SERPINB6: variants seen among roughly 807,000 people sequenced by gnomAD.
The protein encoded by SERPINB6 is serpin family B member 6.
In SERPINB6, 16 loss-of-function variants were observed where a neutral mutation model predicts 26.1. The observed-to-expected ratio is 0.61, with a 90% CI of 0.42 to 0.93. The LOEUF (loss-of-function observed/expected upper bound fraction) is 0.93, where lower values mean the gene tolerates loss of function less well. Among genes scored for constraint, SERPINB6 ranks in the 40% least tolerant of loss-of-function variants. SERPINB6 has a pLI of 0.00. For synonymous variants in SERPINB6, 174 were observed against 176.6 expected (o/e 0.99, Z 0.11); for missense variants, 420 against 478.0 (o/e 0.88, Z 1.13).
chr6:2,955,847 C>T (rs1202185534), intron 2 of SERPINB6, 177 bp from the exon 3 acceptor site: 18 of 614,722 alleles, frequency 2.9e-5, no homozygotes, highest in Middle Eastern at 4.5e-4. Context: ...GAGGCCAAGG[C>T]GGGAGGATCA....
At chr6:2,950,410 G>A (rs1258612346) in intron 5 of SERPINB6, among the ~76,000 whole-genome samples, 1 of 151,696 alleles carries the variant, frequency 6.6e-6, no homozygotes, top group Non-Finnish European at 1.5e-5. Context: ...GTGCGCTCCT[G>A]TAATCCCAGC....
chr6:2,969,176 A>C, intron 1 of SERPINB6: 1 of 991,038 alleles, frequency 1.0e-6, no homozygotes. Context: ...ACAAATTATA[A>C]ACAATCTAGT....
Position 2,969,413 on chromosome 6 carries a change from A to G in SERPINB6, c.-11+2120T>C, listed in dbSNP as rs547103890. Reference sequence around the variant, plus strand: ...TATTTATGCAAAATTAATTGTTTCAAAATTTAAAAACTATACCATTTAAAA... The same window carrying G: ...TATTTATGCAAAATTAATTGTTTCAGAATTTAAAAACTATACCATTTAAAA... On this transcript the variant is annotated intron_variant, in intron 1 of 6. Transcript: ENST00000380539. 2.8e-4 allele frequency: 273 copies of G among 967,726 alleles called. 1 individual carries two copies. Among genetic ancestry groups the G allele is most frequent in the African/African-American group, 2.5e-3 (140 of 56,970 alleles). 59.9% of individuals were successfully genotyped at this position (967,726 alleles called of 1,614,324 possible).
intron 1 of SERPINB6, among the ~76,000 whole-genome samples, chr6:2,963,136 A>C (rs9378350): frequency 0.62 from 93,758 of 152,018 alleles, 30,696 homozygotes; most frequent in East Asian, 0.91. Flanking sequence ...AAAATAATGG[A>C]GTAACTGGGC....
upstream of SERPINB6, chr6:2,971,620 G>C (rs1772189130): frequency 6.6e-6 from 1 of 152,260 alleles, no homozygotes; most frequent in Admixed American, 6.5e-5. Context: ...GGCGGGCGGA[G>C]TCCCGGGTCT....
intron 5 of SERPINB6, 43 bp from the exon 6 acceptor site, chr6:2,949,112 A>G (rs748701204): frequency 6.2e-7 from 1 of 1,605,532 alleles, no homozygotes; most frequent in Non-Finnish European, 8.5e-7. Context: ...ACAAGACCCC[A>G]CTGACACATG....
chr6:2,950,860 T>C (rs1188854354), intron 5 of SERPINB6, among the ~76,000 whole-genome samples: 2 of 152,222 alleles, frequency 1.3e-5, no homozygotes, highest in Non-Finnish European at 2.9e-5. Context: ...ATAAATAAAA[T>C]ACACTGCGGC....
chr6:2,955,203 C>CA (rs66527971), intron 3 of SERPINB6: 9,420 of 222,302 alleles, frequency 0.042, 18 homozygotes, highest in South Asian at 0.078. Context: ...AAAAAAAAAA[C>CA]AAAAAAAAAA....
intron 5 of SERPINB6, among the ~76,000 whole-genome samples, chr6:2,951,362 G>A (rs1769770007): frequency 6.6e-6 from 1 of 150,892 alleles, no homozygotes; most frequent in Admixed American, 6.6e-5. Context: ...CTCCAGCCTG[G>A]GCAACAAGAG....
intron 1 of SERPINB6, chr6:2,970,489 A>C (rs1485642886): frequency 1.8e-6 from 2 of 1,138,956 alleles, no homozygotes; most frequent in Non-Finnish European, 2.2e-6. Flanking sequence ...AGGCCGGCCC[A>C]GGACCTTAAC....
At chr6:2,949,424 C>T (rs1228140145) in intron 5 of SERPINB6, among the ~76,000 whole-genome samples, 4 of 152,364 alleles carry the variant, frequency 2.6e-5, no homozygotes, top group African/African-American at 9.6e-5. Context: ...AAACTCCCAG[C>T]GCCACCTGTA....
intron 4 of SERPINB6, 134 bp from the exon 5 acceptor site, chr6:2,953,320 G>A (rs1412486576): frequency 1.7e-6 from 2 of 1,186,146 alleles, no homozygotes; most frequent in Non-Finnish European, 2.5e-6. Context: ...CAAATATAAA[G>A]GGATACGTGT....
chr6:2,955,207 A>AC (rs1770310722), intron 3 of SERPINB6: 3 of 347,846 alleles, frequency 8.6e-6, no homozygotes, highest in Admixed American at 4.5e-5. Flanking sequence ...AAAAAACAAA[A>AC]AAAAAAAAGC....
chr6:2,970,520 C>G, intron 1 of SERPINB6: 2 of 1,174,320 alleles, frequency 1.7e-6, no homozygotes, highest in South Asian at 8.7e-5. Context: ...CTGAACACAT[C>G]AGATCTCATC....
Position 2,967,298 on chromosome 6 carries a change from G to A in SERPINB6, c.-11+4235C>T, listed in dbSNP as rs1581278294. Reference sequence around the variant, plus strand: ...CCATGTACAAAAATCAACTCAAGATGGATTAAAGGCTTAGATGTAAAAGCC... The same window carrying A: ...CCATGTACAAAAATCAACTCAAGATAGATTAAAGGCTTAGATGTAAAAGCC... On this transcript the variant is annotated intron_variant, in intron 1 of 6. Coordinates refer to ENST00000380539, the MANE Select transcript of SERPINB6 (RefSeq NM_004568.6). The surrounding 1 kb of genome is among the most constrained non-coding windows in gnomAD (Gnocchi z 4.3). 1.1e-6 allele frequency: 1 copy of A among 881,938 alleles called. No individual in the cohort carries two copies. The highest frequency in any genetic ancestry group is 1.4e-6 in the Non-Finnish European group (1 of 735,654). 54.6% of individuals were successfully genotyped at this position (881,938 alleles called of 1,614,324 possible).
intron 1 of SERPINB6, among the ~76,000 whole-genome samples, chr6:2,964,918 C>A (rs1266567811): frequency 6.6e-6 from 1 of 152,198 alleles, no homozygotes; most frequent in Non-Finnish European, 1.5e-5. Flanking sequence ...CCCACTGCAG[C>A]CTCGAACTCC....
Position 2,953,059 on chromosome 6 carries a change from C to T in SERPINB6, c.558G>A (p.Leu186=), listed in dbSNP as rs778261498. 1 of 1,614,238 alleles carries T rather than the reference C, an allele frequency of 6.2e-7. No individual in the cohort carries two copies. The highest frequency in any genetic ancestry group is 1.3e-5 in the African/African-American group (1 of 75,056). ...QFDKENTEER[L]FKVSKNEEKP... is the part of the protein sequence containing the mutation. ...CCTTACTCGCCTTGCTGACTTTAAA[C>T]AGTCTCTCCTCGGTGTTCTCCTTGT... Residue 186 remains leucine (L), a synonymous_variant, in exon 5 of 7, where the codon CTG becomes CTA. Coordinates refer to ENST00000380539, the MANE Select transcript of SERPINB6 (RefSeq NM_004568.6).
rs1359309849 is a variant in SERPINB6, at chr6:2,959,165, T to C, written c.165+3A>G. ...TAGCACCATGGCTGCCCTGAAGCTGTACCTGGGCCATCTGTGCAGCGGTGT... is the reference window on the plus strand; with the variant it reads ...TAGCACCATGGCTGCCCTGAAGCTGCACCTGGGCCATCTGTGCAGCGGTGT... On this transcript the variant is annotated splice_donor_region_variant and intron_variant, in intron 2 of 6. Coordinates refer to ENST00000380539, the MANE Select transcript of SERPINB6 (RefSeq NM_004568.6). 3.1e-6 allele frequency: 5 copies of C among 1,614,090 alleles called. No individual in the cohort carries two copies. Among genetic ancestry groups the C allele is most frequent in the Non-Finnish European group, 4.2e-6 (5 of 1,180,034 alleles).
intron 4 of SERPINB6, 91 bp downstream of exon 4, chr6:2,954,501 T>C: frequency 9.6e-7 from 1 of 1,043,324 alleles, no homozygotes; most frequent in Non-Finnish European, 1.5e-6. Flanking sequence ...AAAAAAATCA[T>C]TCCTGTTTAC....
Sources: allele counts gnomAD v4.1 joint callset (sites outside exome capture counted in the v4.1 genomes callset), GRCh38; gene constraint gnomAD v4.1.1; non-coding constraint Gnocchi (gnomAD v3.1); transcripts MANE v1.5; gene names NCBI Gene and HGNC (gene_info 2026-07-23, HGNC 2026-07-21).